WIPI1: variants seen among roughly 807,000 people sequenced by gnomAD.
WIPI1 encodes the protein WD repeat domain, phosphoinositide interacting 1.
A neutral mutation model predicts 55.3 loss-of-function variants in WIPI1; 45 were observed. The ratio of observed to expected loss-of-function variants is 0.81; its 90% CI spans 0.64 to 1.04. The LOEUF is 1.04. Ranked by LOEUF, WIPI1 falls within the 50% of genes least tolerant of loss-of-function variation. The pLI, the probability that WIPI1 is intolerant of heterozygous loss-of-function variation, is 0.00. For missense variants in WIPI1, 445 were observed against 559.0 expected (o/e 0.80, Z 2.06); for synonymous variants, 195 against 217.6 (o/e 0.90, Z 0.92).
intron 3 of WIPI1, 109 bp downstream of exon 3, chr17:68,450,619 A>G (rs997228972): frequency 6.4e-6 from 9 of 1,400,872 alleles, no homozygotes; most frequent in Non-Finnish European, 8.7e-6. Context: ...TAACATTCTC[A>G]TTAGAATTGG....
At chr17:68,433,779 T>TTTTTTG (rs1568633047) in intron 7 of WIPI1, among the ~76,000 whole-genome samples, 2 of 70,518 alleles carry the variant, frequency 2.8e-5, no homozygotes, top group African/African-American at 8.9e-5. Flanking sequence ...TTTTTTTTTT[T>TTTTTTG]TTTTTTTTTT....
intron 3 of WIPI1, among the ~76,000 whole-genome samples, chr17:68,450,016 CAG>C (rs1345995116): frequency 6.6e-5 from 10 of 152,134 alleles, no homozygotes; most frequent in African/African-American, 2.4e-4. Context: ...GTCTCAAAAA[CAG>C]AAACAACAAC....
intron 2 of WIPI1, 115 bp from the exon 3 acceptor site, chr17:68,451,012 C>T (rs995328629): frequency 9.4e-6 from 13 of 1,388,558 alleles, no homozygotes; most frequent in Non-Finnish European, 1.2e-5. Flanking sequence ...CCGGGTCTTG[C>T]CGGCCAGGCG....
intron 1 of WIPI1, 96 bp from the exon 2 acceptor site, chr17:68,453,088 A>G (rs1387932920): frequency 2.2e-6 from 2 of 928,960 alleles, no homozygotes; most frequent in African/African-American, 1.6e-5. Flanking sequence ...CCTCAGGGGT[A>G]CAGTAAACAA....
intron 3 of WIPI1, among the ~76,000 whole-genome samples, chr17:68,446,755 G>C (rs2084302270): frequency 6.6e-6 from 1 of 152,178 alleles, no homozygotes; most frequent in Non-Finnish European, 1.5e-5. Flanking sequence ...CTTGACATAT[G>C]CCTCTCCTAG....
chr17:68,449,189 A>G (rs2084399749), intron 3 of WIPI1, among the ~76,000 whole-genome samples: 1 of 152,254 alleles, frequency 6.6e-6, no homozygotes, highest in South Asian at 2.1e-4. Flanking sequence ...GAATAGATAA[A>G]TCTGCATGGT....
At chr17:68,434,447 G>A in intron 7 of WIPI1, 109 bp downstream of exon 7, 1 of 1,078,510 alleles carries the variant, frequency 9.3e-7, no homozygotes, top group Non-Finnish European at 1.3e-6. Flanking sequence ...CTTCCTCCAG[G>A]TGAGTGGAGG....
rs750284476 is a variant in WIPI1 at position 68,436,413 on chromosome 17, C to T, written c.497G>A (p.Gly166Glu). 1 of 1,613,976 alleles carries T rather than the reference C, an allele frequency of 6.2e-7. No homozygotes were observed. Among genetic ancestry groups the T allele is most frequent in the Non-Finnish European group, 8.5e-7 (1 of 1,179,906 alleles). The stretch of plus-strand genomic sequence containing the variant: ...GTTTCCATCATAAAGCACAATCTCC[C>T]CTGAAGTCAGGCTTCCAGGATAGGC... ...YLAYPGSLTSGEIVLYDGNSL... is the reference protein window; with the variant it reads ...YLAYPGSLTSEEIVLYDGNSL... Residue 166 changes from glycine (G) to glutamate (E), a missense_variant, in exon 5 of 13, where the codon GGG (glycine) becomes GAG (glutamate). Transcript: ENST00000262139.
At chr17:68,434,762 C>A in intron 6 of WIPI1, 136 bp from the exon 7 acceptor site, 2 of 810,362 alleles carry the variant, frequency 2.5e-6, no homozygotes, top group Non-Finnish European at 3.9e-6. Flanking sequence ...AGCATAGAGG[C>A]ATGTTTATTT....
At chr17:68,431,255 G>A (rs1040571172) in intron 8 of WIPI1, among the ~76,000 whole-genome samples, 14 of 152,156 alleles carry the variant, frequency 9.2e-5, no homozygotes, top group East Asian at 3.9e-4. Flanking sequence ...AGGGAGAGGC[G>A]GATGAGGTTC....
intron 4 of WIPI1, among the ~76,000 whole-genome samples, chr17:68,436,695 G>A (rs931979231): frequency 6.6e-6 from 1 of 152,166 alleles, no homozygotes; most frequent in African/African-American, 2.4e-5. Flanking sequence ...CACTGGCTGC[G>A]TCCTTGCTAC....
chr17:68,432,698 G>A (rs573607245), intron 8 of WIPI1, among the ~76,000 whole-genome samples: 28 of 152,178 alleles, frequency 1.8e-4, no homozygotes, highest in African/African-American at 6.5e-4. Context: ...TCCATCCAAG[G>A]GTACCAGCAA....
At chr17:68,427,026 C>T in intron 11 of WIPI1, 109 bp downstream of exon 11, 2 of 881,026 alleles carry the variant, frequency 2.3e-6, no homozygotes, top group Non-Finnish European at 1.8e-6. Context: ...GGAGGGAGGG[C>T]ACTCCACCCC....
At chr17:68,455,460 C>T (rs1347964139) in intron 1 of WIPI1, among the ~76,000 whole-genome samples, 2 of 151,890 alleles carry the variant, frequency 1.3e-5, no homozygotes, top group Non-Finnish European at 2.9e-5. Context: ...TTTTCACCTA[C>T]CTTCTTTGGA....
intron 12 of WIPI1, among the ~76,000 whole-genome samples, chr17:68,424,099 G>T (rs572361002): frequency 6.6e-6 from 1 of 152,172 alleles, no homozygotes; most frequent in Non-Finnish European, 1.5e-5. Context: ...TTTAAGGCCA[G>T]TTGGGGCCAT....
chr17:68,427,091 G>C, intron 11 of WIPI1, 44 bp downstream of exon 11: 1 of 1,506,184 alleles, frequency 6.6e-7, no homozygotes, highest in Non-Finnish European at 9.2e-7. Flanking sequence ...GGGGAGGGAG[G>C]TCACTGTTGG....
chr17:68,426,268 C>T, intron 11 of WIPI1, 93 bp from the exon 12 acceptor site: 2 of 918,498 alleles, frequency 2.2e-6, no homozygotes, highest in South Asian at 2.8e-5. Flanking sequence ...AAATAAAGGG[C>T]AAAGGAAGCA....
intron 2 of WIPI1, among the ~76,000 whole-genome samples, chr17:68,452,161 A>T (rs2084523432): frequency 6.6e-6 from 1 of 152,254 alleles, no homozygotes; most frequent in Admixed American, 6.5e-5. Flanking sequence ...ATGCTTCAAC[A>T]TCATTGACAT....
intron 8 of WIPI1, among the ~76,000 whole-genome samples, chr17:68,431,667 G>C (rs1459397176): frequency 5.7e-5 from 1 of 17,406 alleles, no homozygotes; most frequent in Non-Finnish European, 1.2e-4. Flanking sequence ...GGCTGGACCA[G>C]CACGAGGTGC....
Sources: gnomAD v4.1 joint callset for allele counts (sites outside exome capture counted in the v4.1 genomes callset) on GRCh38, gnomAD v4.1.1 for gene constraint, MANE v1.5 for transcripts, NCBI Gene and HGNC (gene_info 2026-07-23, HGNC 2026-07-21) for gene names.